ZC2HC1B: variants seen among roughly 807,000 people sequenced by gnomAD.
ZC2HC1B encodes the protein zinc finger C2HC-type containing 1B.
ZC2HC1B carries 36 observed loss-of-function variants against 31.0 expected under a neutral mutation model. The observed-to-expected ratio is 1.16, with a 90% CI of 0.89 to 1.54. ZC2HC1B has a LOEUF of 1.54. ZC2HC1B is among the 40% of genes most tolerant of loss of function. The pLI is 0.00. For missense variants in ZC2HC1B, 260 were observed against 268.6 expected (o/e 0.97, Z 0.22); for synonymous variants, 73 against 88.0 (o/e 0.83, Z 0.95).
At chr6:143,864,833 A>G (rs528554080) in intron 1 of ZC2HC1B, among the ~76,000 whole-genome samples, 2 of 152,356 alleles carry the variant, frequency 1.3e-5, no homozygotes, top group South Asian at 4.1e-4. Context: ...CAACCTGTGA[A>G]GTAAAGGGTC....
chr6:143,906,659 G>A (rs1417592443), intron 6 of ZC2HC1B, among the ~76,000 whole-genome samples: 8 of 151,782 alleles, frequency 5.3e-5, no homozygotes, highest in African/African-American at 1.9e-4. Flanking sequence ...AGCTAGGCTG[G>A]TCTCTAAATT....
At position 143,899,841 on chromosome 6, in the gene ZC2HC1B, G is replaced by A. The variant is rs1777714331; in HGVS notation, c.489+1150G>A. Among the ~76,000 whole-genome samples, 1 of 152,200 alleles carries A rather than the reference G, an allele frequency of 6.6e-6. No homozygotes were observed. The highest frequency in any genetic ancestry group is 2.1e-4 in the South Asian group (1 of 4,830). On this transcript the variant is annotated intron_variant, in intron 5 of 7. Transcript: ENST00000237275. This position sits in a 1 kb window ranked among gnomAD's most constrained non-coding sequence, Gnocchi z 5.0. ...GTACCAGAAACTGCGCTAGGTACTG[G>A]TTTGATCAAGAATTTGTCATTGAAA...
chr6:143,928,056 T>A (rs1778072180), intron 6 of ZC2HC1B, among the ~76,000 whole-genome samples: 1 of 152,240 alleles, frequency 6.6e-6, no homozygotes, highest in African/African-American at 2.4e-5. Flanking sequence ...TTGCAAATAT[T>A]TTCTCCCATT....
chr6:143,895,579 A>G lies in ZC2HC1B; in HGVS notation c.350-2973A>G, dbSNP rs563020025. On this transcript the variant is annotated intron_variant, in intron 4 of 7. Coordinates refer to ENST00000237275, the MANE Select transcript of ZC2HC1B (RefSeq NM_001013623.3). The surrounding 1 kb of genome is among the most constrained non-coding windows in gnomAD (Gnocchi z 4.8). ...GCATGATTCCCTATTTTCATGATTCAGTTTTTGAGACATGCCTATATTCTA... is the reference window on the plus strand; with the variant it reads ...GCATGATTCCCTATTTTCATGATTCGGTTTTTGAGACATGCCTATATTCTA... Among the ~76,000 whole-genome samples, 49 of 152,122 alleles carry G rather than the reference A, an allele frequency of 3.2e-4. No individual in the cohort carries two copies. The highest frequency in any genetic ancestry group is 6.2e-4 in the Non-Finnish European group (42 of 68,008).
chr6:143,884,464 A>T lies in ZC2HC1B; in HGVS notation c.90+99A>T. The T allele has an allele frequency of 8.9e-7, 1 of 1,121,204 alleles. No homozygotes were observed. 69.5% of individuals were successfully genotyped at this position (1,121,204 alleles called of 1,614,324 possible). On this transcript the variant is annotated intron_variant, in intron 2 of 7. Transcript: ENST00000237275. This position sits in a 1 kb window ranked among gnomAD's most constrained non-coding sequence, Gnocchi z 5.1. ...GTGCAAAGATTAAAGACAGATGTGG[A>T]GGGGAAGCAAGGGAAGAGGAAAAGT...
At position 143,903,174 on chromosome 6, in the gene ZC2HC1B, A is replaced by C; in HGVS notation, c.598+22A>C. ...TCAGGTGAGTCAAAGCACGCATTTC[A>C]TCTCTCAAATGATGGGGGTCAGAGG... is the stretch of plus-strand genomic sequence containing the variant. On this transcript the variant is annotated intron_variant, in intron 6 of 7. Coordinates refer to ENST00000237275, the MANE Select transcript of ZC2HC1B (RefSeq NM_001013623.3). This position sits in a 1 kb window ranked among gnomAD's most constrained non-coding sequence, Gnocchi z 4.3. 1.8e-5 allele frequency: 28 copies of C among 1,542,560 alleles called. No homozygotes were observed. The highest frequency in any genetic ancestry group is 2.4e-5 in the Non-Finnish European group (27 of 1,138,320).
At chr6:143,877,729 A>G (rs2128493514) in intron 1 of ZC2HC1B, among the ~76,000 whole-genome samples, 1 of 150,772 alleles carries the variant, frequency 6.6e-6, no homozygotes, top group East Asian at 1.9e-4. Flanking sequence ...AAAAATGGAA[A>G]TAATGAACAA....
In ZC2HC1B at chr6:143,899,017, C is replaced by T. The variant is rs533906285; in HGVS notation, c.489+326C>T. Among the ~76,000 whole-genome samples, 11 of 152,314 alleles carry T rather than the reference C, an allele frequency of 7.2e-5. No individual in the cohort carries two copies. Among genetic ancestry groups the T allele is most frequent in the African/African-American group, 2.2e-4 (9 of 41,576 alleles). ...ACCTTAATCACCCAGAAAAGAATTG[C>T]GAACCTGAAGTGAAACTGCCTGAGT... On this transcript the variant is annotated intron_variant, in intron 5 of 7. Coordinates refer to ENST00000237275, the MANE Select transcript of ZC2HC1B (RefSeq NM_001013623.3). The surrounding 1 kb of genome is among the most constrained non-coding windows in gnomAD (Gnocchi z 5.0).
Position 143,916,011 on chromosome 6 carries a change from T to A in ZC2HC1B, c.598+12859T>A, listed in dbSNP as rs187411109. 5.9e-5 allele frequency among the ~76,000 whole-genome samples: 9 copies of A among 152,214 alleles called. No individual in the cohort carries two copies. The East Asian group carries it at 1.4e-3, about 23-fold the overall frequency. On this transcript the variant is annotated intron_variant, in intron 6 of 7. Transcript: ENST00000237275. The stretch of plus-strand genomic sequence containing the variant: ...TTAGTCCCCAAGACAATGAGGAAAA[T>A]GTCTCCACAGCATGTCAGAGCCCTT...
chr6:143,927,571 C>T (rs562018048), intron 6 of ZC2HC1B, among the ~76,000 whole-genome samples: 13 of 152,136 alleles, frequency 8.5e-5, no homozygotes, highest in South Asian at 2.1e-4. Context: ...TAGGTTGATT[C>T]GGTATCTGTC....
At position 143,915,935 on chromosome 6, in the gene ZC2HC1B, A is replaced by G. The variant is rs1326194594; in HGVS notation, c.598+12783A>G. On this transcript the variant is annotated intron_variant, in intron 6 of 7. Coordinates refer to ENST00000237275, the MANE Select transcript of ZC2HC1B (RefSeq NM_001013623.3). This position sits in a 1 kb window ranked among gnomAD's most constrained non-coding sequence, Gnocchi z 5.2. Reference sequence around the variant, plus strand: ...GAAAAGAAAATCCCATTTTCTGGGGAGAAATTCAAACTGGCTGCAGAAATT... The same window carrying G: ...GAAAAGAAAATCCCATTTTCTGGGGGGAAATTCAAACTGGCTGCAGAAATT... 6.6e-6 allele frequency among the ~76,000 whole-genome samples: 1 copy of G among 152,262 alleles called. No homozygotes were observed. Among genetic ancestry groups the G allele is most frequent in the Non-Finnish European group, 1.5e-5 (1 of 68,050 alleles).
At chr6:143,880,072 T>G (rs1297495530) in intron 1 of ZC2HC1B, among the ~76,000 whole-genome samples, 1 of 152,062 alleles carries the variant, frequency 6.6e-6, no homozygotes, top group Admixed American at 6.6e-5. Context: ...AGCAATCCTC[T>G]CACCTTAGCC....
Position 143,895,312 on chromosome 6 carries a change from G to A in ZC2HC1B, c.350-3240G>A, listed in dbSNP as rs1478858591. Among the ~76,000 whole-genome samples the A allele has an allele frequency of 5.9e-5, 9 of 152,016 alleles. No homozygotes were observed. The highest frequency in any genetic ancestry group is 3.9e-4 in the Admixed American group (6 of 15,244). ...TGAGTAGCTGGGATTACAGGCGCCC[G>A]CCACCACGCCCAGCTGATTTCTGTA... is the stretch of plus-strand genomic sequence containing the variant. On this transcript the variant is annotated intron_variant, in intron 4 of 7. Coordinates refer to ENST00000237275, the MANE Select transcript of ZC2HC1B (RefSeq NM_001013623.3). The surrounding 1 kb of genome is among the most constrained non-coding windows in gnomAD (Gnocchi z 4.8).
chr6:143,893,327 G>C (rs1777621587), intron 4 of ZC2HC1B, among the ~76,000 whole-genome samples: 1 of 152,138 alleles, frequency 6.6e-6, no homozygotes, highest in South Asian at 2.1e-4. Context: ...CACTTTGGGA[G>C]GCCAAGGTAG....
At chr6:143,881,618 A>G (rs1777469335) in intron 1 of ZC2HC1B, 1 of 151,146 alleles carries the variant, frequency 6.6e-6, no homozygotes, top group Non-Finnish European at 1.5e-5. Flanking sequence ...ATTCCAGGCT[A>G]TAGATGTACC....
intron 6 of ZC2HC1B, among the ~76,000 whole-genome samples, chr6:143,936,460 G>A (rs1253552390): frequency 2.0e-5 from 3 of 152,136 alleles, no homozygotes; most frequent in African/African-American, 4.8e-5. Flanking sequence ...ATACATATTT[G>A]GAAATTATTT....
At position 143,905,926 on chromosome 6, in the gene ZC2HC1B, C is replaced by A. The variant is rs1247657224; in HGVS notation, c.598+2774C>A. Among the ~76,000 whole-genome samples, 1 of 152,062 alleles carries A rather than the reference C, an allele frequency of 6.6e-6. No individual in the cohort carries two copies. Among genetic ancestry groups the A allele is most frequent in the Non-Finnish European group, 1.5e-5 (1 of 68,024 alleles). On this transcript the variant is annotated intron_variant, in intron 6 of 7. Coordinates refer to ENST00000237275, the MANE Select transcript of ZC2HC1B (RefSeq NM_001013623.3). This position sits in a 1 kb window ranked among gnomAD's most constrained non-coding sequence, Gnocchi z 4.2. ...TCTCACATGGTCATGGTGTATAATC[C>A]TTTTAACATGCTACTGAACTTGATT...
intron 4 of ZC2HC1B, among the ~76,000 whole-genome samples, chr6:143,891,713 G>T (rs911627889): frequency 2.7e-5 from 4 of 148,174 alleles, no homozygotes; most frequent in African/African-American, 9.9e-5. Context: ...AAAAAAGAAA[G>T]AAAAAAGAAA....
intron 4 of ZC2HC1B, among the ~76,000 whole-genome samples, chr6:143,888,774 T>C (rs1373384799): frequency 6.6e-6 from 1 of 152,050 alleles, no homozygotes. Flanking sequence ...TTTATAATAT[T>C]ATTGCTGATA....
Sources: allele counts gnomAD v4.1 joint callset (sites outside exome capture counted in the v4.1 genomes callset), GRCh38; gene constraint gnomAD v4.1.1; non-coding constraint Gnocchi (gnomAD v3.1); transcripts MANE v1.5; gene names NCBI Gene and HGNC (gene_info 2026-07-23, HGNC 2026-07-21).